The following MGAT5 variants were observed in gnomAD, a reference collection of about 807,000 sequenced individuals.
MGAT5 encodes the protein alpha-1,6-mannosylglycoprotein 6-beta-N-acetylglucosaminyltransferase A.
In MGAT5, 30 loss-of-function variants were observed where a neutral mutation model predicts 94.3. That is an observed-to-expected ratio of 0.32 (90% CI 0.24 to 0.43). The LOEUF (loss-of-function observed/expected upper bound fraction) is 0.43, where lower values mean the gene tolerates loss of function less well. Among genes scored for constraint, MGAT5 ranks in the 20% least tolerant of loss-of-function variants. The pLI is 1.00. For synonymous variants in MGAT5, 310 were observed against 322.9 expected, an observed-to-expected ratio of 0.96 and a Z score of 0.43; for missense variants, 691 against 905.5, an observed-to-expected ratio of 0.76 and a Z score of 3.04.
chr2:134,329,645 G>A (rs542090686), intron 4 of MGAT5, among the ~76,000 whole-genome samples: 5 of 152,076 alleles, frequency 3.3e-5, no homozygotes, highest in South Asian at 2.1e-4. Context: ...TCTGTGCTTC[G>A]GCGTCTTCAT....
At chr2:134,368,162 C>T (rs960868958) in intron 10 of MGAT5, among the ~76,000 whole-genome samples, 2 of 152,202 alleles carry the variant, frequency 1.3e-5, no homozygotes, top group African/African-American at 4.8e-5. Flanking sequence ...GGGAGTGAGT[C>T]TGTGGTTACA....
At chr2:134,186,108 C>T (rs1016647044) in intron 1 of MGAT5, among the ~76,000 whole-genome samples, 2 of 152,222 alleles carry the variant, frequency 1.3e-5, no homozygotes, top group Non-Finnish European at 2.9e-5. Context: ...GAAGACTGAT[C>T]CCAAATTGTC....
At chr2:134,377,011 C>G (rs934612732) in intron 10 of MGAT5, among the ~76,000 whole-genome samples, 6 of 152,200 alleles carry the variant, frequency 3.9e-5, no homozygotes, top group African/African-American at 1.4e-4. Context: ...CTTGTTCTTC[C>G]TAGCTCACAT....
At chr2:134,355,297 C>T (rs373234514) in intron 9 of MGAT5, among the ~76,000 whole-genome samples, 55 of 152,236 alleles carry the variant, frequency 3.6e-4, no homozygotes, top group African/African-American at 1.3e-3. Flanking sequence ...TTGTCACATA[C>T]GTACTAAAAT....
At chr2:134,356,337 CTT>C (rs1679741537) in intron 9 of MGAT5, among the ~76,000 whole-genome samples, 1 of 152,040 alleles carries the variant, frequency 6.6e-6, no homozygotes. Context: ...CCCTCCTCCT[CTT>C]TCCCAAATCC....
At chr2:134,308,796 A>G (rs1686484474) in intron 2 of MGAT5, among the ~76,000 whole-genome samples, 1 of 152,156 alleles carries the variant, frequency 6.6e-6, no homozygotes, top group Non-Finnish European at 1.5e-5. Context: ...GCACTTTGGA[A>G]GGCTGAGATG....
chr2:134,201,913 T>C (rs1326339219), intron 1 of MGAT5, among the ~76,000 whole-genome samples: 1 of 147,034 alleles, frequency 6.8e-6, no homozygotes, highest in Non-Finnish European at 1.5e-5. Flanking sequence ...TCCATGCTAA[T>C]ATGTAGTTTG....
chr2:134,383,936 C>T (rs559097307), intron 10 of MGAT5, among the ~76,000 whole-genome samples: 1 of 151,876 alleles, frequency 6.6e-6, no homozygotes, highest in Admixed American at 6.6e-5. Flanking sequence ...GCCTCGGCCT[C>T]CCAAAGTGCT....
intron 1 of MGAT5, among the ~76,000 whole-genome samples, chr2:134,245,609 C>T (rs1682212171): frequency 6.6e-6 from 1 of 152,188 alleles, no homozygotes; most frequent in African/African-American, 2.4e-5. Flanking sequence ...GTCCCTTCCT[C>T]CTCTGCTTCT....
chr2:134,302,832 T>G (rs1174923047), intron 2 of MGAT5, among the ~76,000 whole-genome samples: 1 of 151,688 alleles, frequency 6.6e-6, no homozygotes, highest in Non-Finnish European at 1.5e-5. Context: ...TTCCCTTTTA[T>G]GTAATGTGTC....
chr2:134,353,149 C>A (rs1051592319), intron 9 of MGAT5, among the ~76,000 whole-genome samples: 1 of 152,194 alleles, frequency 6.6e-6, no homozygotes, highest in East Asian at 1.9e-4. Context: ...CACTACTGAA[C>A]ACTTAAAAAA....
intron 2 of MGAT5, among the ~76,000 whole-genome samples, chr2:134,290,144 C>T (rs541222609): frequency 1.3e-5 from 2 of 152,184 alleles, no homozygotes; most frequent in Non-Finnish European, 2.9e-5. Flanking sequence ...TAGTCCTACT[C>T]GTGTGTTCTC....
At chr2:134,179,763 A>T (rs1339140552) in intron 1 of MGAT5, among the ~76,000 whole-genome samples, 3 of 152,196 alleles carry the variant, frequency 2.0e-5, no homozygotes, top group African/African-American at 7.2e-5. Flanking sequence ...TCCATCTTAA[A>T]TAGGGGCTAA....
chr2:134,392,546 G>A (rs1024232463), intron 10 of MGAT5, among the ~76,000 whole-genome samples: 3 of 152,150 alleles, frequency 2.0e-5, no homozygotes, highest in African/African-American at 7.2e-5. Context: ...TAGCTTGGTG[G>A]GAGCAGGGGA....
chr2:134,407,807 G>A (rs147089225), intron 11 of MGAT5, among the ~76,000 whole-genome samples: 62 of 152,138 alleles, frequency 4.1e-4, no homozygotes, highest in African/African-American at 1.4e-3. Flanking sequence ...CGCTGAGTGG[G>A]GCCAACAGTT....
At chr2:134,226,337 A>G (rs1519308) in intron 1 of MGAT5, among the ~76,000 whole-genome samples, 15,333 of 152,270 alleles carry the variant, frequency 0.1, 756 homozygotes, top group East Asian at 0.15. Flanking sequence ...ACCATATAAC[A>G]TATCTCCTTT....
At chr2:134,196,008 AAGTC>A (rs1679479393) in intron 1 of MGAT5, among the ~76,000 whole-genome samples, 1 of 152,180 alleles carries the variant, frequency 6.6e-6, no homozygotes, top group Non-Finnish European at 1.5e-5. Context: ...CCAGGGTAAA[AAGTC>A]AGGATGATCC....
At chr2:134,302,377 T>G (rs747615658) in intron 2 of MGAT5, among the ~76,000 whole-genome samples, 2 of 152,184 alleles carry the variant, frequency 1.3e-5, no homozygotes, top group Non-Finnish European at 2.9e-5. Context: ...TATAAAGGCC[T>G]TAAATCTCAC....
At chr2:134,445,568 C>CTGTGA (rs1685728322) in intron 15 of MGAT5, among the ~76,000 whole-genome samples, 1 of 152,162 alleles carries the variant, frequency 6.6e-6, no homozygotes, top group Non-Finnish European at 1.5e-5. Context: ...AGCCCAGTGC[C>CTGTGA]TGTGACTTCA....
Sources: allele counts gnomAD v4.1 joint callset (sites outside exome capture counted in the v4.1 genomes callset), GRCh38; gene constraint gnomAD v4.1.1; transcripts MANE v1.5; gene names NCBI Gene and HGNC (gene_info 2026-07-23, HGNC 2026-07-21).